LARP1B: variants seen among roughly 807,000 people sequenced by gnomAD.
The protein encoded by LARP1B is La ribonucleoprotein 1B.
In LARP1B, 76 loss-of-function variants were observed where a neutral mutation model predicts 114.2. The ratio of observed to expected loss-of-function variants is 0.67; its 90% CI spans 0.55 to 0.81. The LOEUF is 0.81. LARP1B is among the 30% of genes least tolerant of loss of function. LARP1B has a pLI of 0.00. For missense variants in LARP1B, 1,014 were observed against 1,075.8 expected, an observed-to-expected ratio of 0.94 and a Z score of 0.80; for synonymous variants, 345 against 348.0, an observed-to-expected ratio of 0.99 and a Z score of 0.10.
At chr4:128,062,853 C>G (rs1057044816) in intron 1 of LARP1B, among the ~76,000 whole-genome samples, 3 of 151,652 alleles carry the variant, frequency 2.0e-5, no homozygotes, top group Non-Finnish European at 2.9e-5. Flanking sequence ...AACATGGCTG[C>G]ACATGTATAC....
chr4:128,102,070 G>T (rs747116793), intron 8 of LARP1B, among the ~76,000 whole-genome samples: 19 of 152,258 alleles, frequency 1.2e-4, no homozygotes, highest in Middle Eastern at 6.8e-3. Context: ...AGTAGCTAAT[G>T]ATACAGTAAA....
intron 5 of LARP1B, among the ~76,000 whole-genome samples, chr4:128,090,675 T>C (rs1378586570): frequency 6.6e-6 from 1 of 152,254 alleles, no homozygotes; most frequent in Non-Finnish European, 1.5e-5. Context: ...AGCAGTTTTA[T>C]GTAGTACAAA....
intron 11 of LARP1B, among the ~76,000 whole-genome samples, chr4:128,153,782 C>T (rs1734074179): frequency 6.6e-6 from 1 of 152,118 alleles, no homozygotes; most frequent in South Asian, 2.1e-4. Flanking sequence ...TTACCGGTAG[C>T]CTACTAAATT....
intron 8 of LARP1B, among the ~76,000 whole-genome samples, chr4:128,104,987 C>T (rs1000094891): frequency 9.2e-5 from 14 of 152,110 alleles, no homozygotes; most frequent in African/African-American, 3.4e-4. Flanking sequence ...ACTTGCTTCA[C>T]ATTCTAACCA....
At position 128,065,273 on chromosome 4, in the gene LARP1B, C is replaced by A. The variant is rs868155731; in HGVS notation, c.-78+3872C>A. On this transcript the variant is annotated intron_variant, in intron 1 of 19. Transcript: ENST00000326639. ...AATTAATTTCTTTCTTTCTTTCTTTCTTTCTTTCTTTCTTTCTTTCTTTCT... is the reference window on the plus strand; with the variant it reads ...AATTAATTTCTTTCTTTCTTTCTTTATTTCTTTCTTTCTTTCTTTCTTTCT... 4.3e-3 allele frequency among the ~76,000 whole-genome samples: 501 copies of A among 116,162 alleles called. 3 individuals are homozygous for A. The highest frequency in any genetic ancestry group is 0.015 in the African/African-American group (470 of 31,294). The allele number at this position is 116,162 out of a possible 152,430, so 76.2% of individuals were successfully genotyped here.
chr4:128,194,682 CAAAAAAA>C (rs56843140), intron 15 of LARP1B, among the ~76,000 whole-genome samples: 3 of 25,906 alleles, frequency 1.2e-4, no homozygotes, highest in African/African-American at 3.5e-4. Context: ...GACTCTGTCT[CAAAAAAA>C]AAAAAAAAAA....
At chr4:128,078,875 G>A (rs1305413109) in intron 4 of LARP1B, among the ~76,000 whole-genome samples, 3 of 152,092 alleles carry the variant, frequency 2.0e-5, no homozygotes, top group Admixed American at 6.6e-5. Context: ...TTCTGGGAGA[G>A]TAGCAGGAGG....
chr4:128,157,690 G>A (rs1736441837), intron 11 of LARP1B, among the ~76,000 whole-genome samples: 1 of 152,062 alleles, frequency 6.6e-6, no homozygotes, highest in Admixed American at 6.6e-5. Context: ...TGAAAGAAAG[G>A]GAAAATAGTG....
At chr4:128,086,229 T>A (rs1164773680) in intron 5 of LARP1B, among the ~76,000 whole-genome samples, 3 of 152,036 alleles carry the variant, frequency 2.0e-5, no homozygotes, top group African/African-American at 7.2e-5. Flanking sequence ...ATGGTCTTGA[T>A]CTCCTGACCT....
intron 15 of LARP1B, among the ~76,000 whole-genome samples, chr4:128,189,893 T>C (rs1317060295): frequency 6.6e-6 from 1 of 152,226 alleles, no homozygotes; most frequent in African/African-American, 2.4e-5. Context: ...TCCCTATCTC[T>C]TAACAGGTTG....
At chr4:128,071,829 C>T (rs983900365) in intron 1 of LARP1B, among the ~76,000 whole-genome samples, 3 of 151,706 alleles carry the variant, frequency 2.0e-5, no homozygotes, top group South Asian at 2.1e-4. Context: ...AAAATTTTGC[C>T]AAAAGATTAT....
At chr4:128,107,849 C>T in intron 9 of LARP1B, 1 of 1,477,340 alleles carries the variant, frequency 6.8e-7, no homozygotes, top group South Asian at 1.2e-5. Context: ...GACATTCCCT[C>T]TTGGGAAAAA....
At chr4:128,071,984 A>T (rs1401470656) in intron 1 of LARP1B, among the ~76,000 whole-genome samples, 1 of 133,350 alleles carries the variant, frequency 7.5e-6, no homozygotes, top group Non-Finnish European at 1.6e-5. Flanking sequence ...ATAACGTTTT[A>T]TTATTTATTT....
At chr4:128,165,286 A>G (rs1238582653) in intron 12 of LARP1B, among the ~76,000 whole-genome samples, 4 of 151,680 alleles carry the variant, frequency 2.6e-5, no homozygotes, top group Non-Finnish European at 5.9e-5. Context: ...TAAATTTATT[A>G]ATTTTTATTT....
chr4:128,188,367 G>A (rs556187506), intron 15 of LARP1B, among the ~76,000 whole-genome samples: 21 of 152,244 alleles, frequency 1.4e-4, no homozygotes, highest in Admixed American at 4.6e-4. Flanking sequence ...GAGCCACTGC[G>A]CCTGGCTGGG....
chr4:128,091,238 G>C, intron 6 of LARP1B, 94 bp downstream of exon 6: 2 of 1,531,068 alleles, frequency 1.3e-6, no homozygotes, highest in Non-Finnish European at 1.8e-6. Flanking sequence ...TTCTTTGTCT[G>C]ATAATAGATG....
chr4:128,198,383 G>A (rs886597043), intron 15 of LARP1B, among the ~76,000 whole-genome samples: 1 of 152,140 alleles, frequency 6.6e-6, no homozygotes, highest in African/African-American at 2.4e-5. Context: ...TCCATTTCAT[G>A]TTTGTCACAC....
chr4:128,197,364 A>G (rs948937603), intron 15 of LARP1B, among the ~76,000 whole-genome samples: 7 of 152,190 alleles, frequency 4.6e-5, no homozygotes, highest in African/African-American at 1.7e-4. Flanking sequence ...AAATTTTATC[A>G]TTGGAAAAAA....
intron 11 of LARP1B, among the ~76,000 whole-genome samples, chr4:128,137,636 C>T (rs1725946309): frequency 6.6e-6 from 1 of 151,758 alleles, no homozygotes; most frequent in African/African-American, 2.4e-5. Flanking sequence ...TTGATACATG[C>T]ATACAATGTG....
Sources: gnomAD v4.1 joint callset for allele counts (sites outside exome capture counted in the v4.1 genomes callset) on GRCh38, gnomAD v4.1.1 for gene constraint, MANE v1.5 for transcripts, NCBI Gene and HGNC (gene_info 2026-07-23, HGNC 2026-07-21) for gene names.